Variants in UFD1 observed in about 807,000 individuals in gnomAD.
The protein encoded by UFD1 is ubiquitin recognition factor in ER-associated degradation protein 1.
In UFD1, 13 loss-of-function variants were observed where a neutral mutation model predicts 45.9. The observed-to-expected ratio is 0.28, with a 90% CI of 0.18 to 0.45. The LOEUF (loss-of-function observed/expected upper bound fraction) is 0.45, where lower values mean the gene tolerates loss of function less well. Ranked by LOEUF, UFD1 falls within the 20% of genes least tolerant of loss-of-function variation. The probability of loss-of-function intolerance (pLI) is 1.00; values close to 1 mark genes in which losing one functional copy is unlikely to be tolerated. For missense variants in UFD1, 218 were observed against 389.2 expected (o/e 0.56, Z 3.70); for synonymous variants, 128 against 139.2 (o/e 0.92, Z 0.56).
intron 6 of UFD1, 75 bp downstream of exon 6, chr22:19,465,124 AAAG>A: frequency 7.3e-7 from 1 of 1,376,984 alleles, no homozygotes; most frequent in Non-Finnish European, 1.0e-6. Context: ...CGCTGCTTAA[AAAG>A]AAGCCCCATT....
intron 6 of UFD1, 71 bp from the exon 7 acceptor site, chr22:19,458,210 T>C (rs1403663644): frequency 1.0e-5 from 16 of 1,548,892 alleles, no homozygotes; most frequent in Non-Finnish European, 1.4e-5. Context: ...TCCATGTTAC[T>C]GTGGCTCTAC....
rs371868829 is a variant in UFD1, at chr22:19,456,842, A to C, written c.630+11T>G. The stretch of plus-strand genomic sequence containing the variant: ...AGCAGGACAGCAAAGGACACTGAGG[A>C]TAACACTTACTGTCGACTCCTCATG... On this transcript the variant is annotated intron_variant, in intron 8 of 11. Coordinates refer to ENST00000263202, the MANE Select transcript of UFD1 (RefSeq NM_005659.7). 4 of 1,614,036 alleles carry C rather than the reference A, an allele frequency of 2.5e-6. No individual in the cohort carries two copies. Among genetic ancestry groups the C allele is most frequent in the Non-Finnish European group, 3.4e-6 (4 of 1,180,000 alleles).
intron 3 of UFD1, among the ~76,000 whole-genome samples, chr22:19,473,919 C>A (rs1426713274): frequency 6.6e-6 from 1 of 152,164 alleles, no homozygotes; most frequent in Non-Finnish European, 1.5e-5. Flanking sequence ...TCCTCCTGGC[C>A]AACCCCAGTC....
At chr22:19,457,484 C>T (rs553936285) in intron 7 of UFD1, among the ~76,000 whole-genome samples, 1 of 152,284 alleles carries the variant, frequency 6.6e-6, no homozygotes, top group South Asian at 2.1e-4. Flanking sequence ...CATTCCTACT[C>T]AGAAGGTTCA....
At chr22:19,476,292 G>T (rs935850625) in intron 1 of UFD1, among the ~76,000 whole-genome samples, 9 of 152,126 alleles carry the variant, frequency 5.9e-5, no homozygotes, top group Non-Finnish European at 1.2e-4. Context: ...GTACCCAGTG[G>T]TTGCACCCCT....
intron 7 of UFD1, among the ~76,000 whole-genome samples, chr22:19,457,579 G>A (rs1569327133): frequency 6.6e-6 from 1 of 152,146 alleles, no homozygotes; most frequent in Non-Finnish European, 1.5e-5. Flanking sequence ...TTGGGAGGCC[G>A]AGGCGGGTGG....
chr22:19,450,847 T>C, intron 11 of UFD1, 103 bp from the exon 12 acceptor site: 1 of 1,584,512 alleles, frequency 6.3e-7, no homozygotes. Context: ...TCATAAGAAA[T>C]ATCTCAGGCT....
intron 4 of UFD1, chr22:19,471,131 G>C (rs1044588562): frequency 4.3e-6 from 2 of 465,406 alleles, no homozygotes; most frequent in Non-Finnish European, 8.6e-6. Flanking sequence ...ACAGCCTTGA[G>C]GGCAGGCTCT....
chr22:19,472,492 T>C (rs556508178), intron 3 of UFD1, among the ~76,000 whole-genome samples: 5 of 152,310 alleles, frequency 3.3e-5, no homozygotes, highest in African/African-American at 1.2e-4. Context: ...CTCTCTCTGA[T>C]GGACCTTGAG....
chr22:19,457,903 AG>A (rs2089735424), intron 7 of UFD1, among the ~76,000 whole-genome samples, 167 bp downstream of exon 7: 1 of 152,052 alleles, frequency 6.6e-6, no homozygotes, highest in African/African-American at 2.4e-5. Flanking sequence ...GCCCTGAGAT[AG>A]ATCACAAGGT....
chr22:19,454,732 C>A lies in UFD1; in HGVS notation c.849+17G>T. ...CTCCTCATTACCAACCAAGGAAATA[C>A]AAGGAAATACACTCACCTCTTCAAC... On this transcript the variant is annotated intron_variant, in intron 11 of 11. Coordinates refer to ENST00000263202, the MANE Select transcript of UFD1 (RefSeq NM_005659.7). 2 of 1,613,826 alleles carry A rather than the reference C, an allele frequency of 1.2e-6. No individual in the cohort carries two copies. Among genetic ancestry groups the A allele is most frequent in the South Asian group, 2.2e-5 (2 of 91,076 alleles).
chr22:19,470,715 T>C (rs981454762), intron 4 of UFD1: 2 of 454,750 alleles, frequency 4.4e-6, no homozygotes, highest in African/African-American at 4.0e-5. Flanking sequence ...GTGCTGGGAT[T>C]AGAGGCGTGA....
intron 1 of UFD1, 81 bp downstream of exon 1, chr22:19,479,002 C>G: frequency 7.0e-7 from 1 of 1,430,000 alleles, no homozygotes; most frequent in South Asian, 1.2e-5. Context: ...CGCCGCCGTC[C>G]CGCCCCGCCC....
At chr22:19,466,093 T>C (rs1365657236) in intron 5 of UFD1, 1 of 152,256 alleles carries the variant, frequency 6.6e-6, no homozygotes, top group Non-Finnish European at 1.5e-5. Flanking sequence ...GGTGAGGCTA[T>C]CTAGGTTCAC....
intron 4 of UFD1, chr22:19,470,806 C>T (rs779286115): frequency 2.6e-5 from 12 of 469,340 alleles, no homozygotes; most frequent in African/African-American, 1.6e-4. Flanking sequence ...GAACGTCTGG[C>T]GGCCACCATG....
chr22:19,476,508 A>T (rs1044288146), intron 1 of UFD1, among the ~76,000 whole-genome samples: 2 of 151,944 alleles, frequency 1.3e-5, no homozygotes, highest in African/African-American at 4.8e-5. Context: ...TAAACTGTAG[A>T]CTAAGATGAG....
chr22:19,469,775 G>C (rs1323730350), intron 4 of UFD1: 1 of 446,270 alleles, frequency 2.2e-6, no homozygotes, highest in Non-Finnish European at 4.5e-6. Flanking sequence ...CCAGGAGCTG[G>C]AAGGCCAGCT....
chr22:19,455,686 A>C lies in UFD1; in HGVS notation c.761T>G (p.Ile254Ser), dbSNP rs771068726. 1 of 1,613,672 alleles carries C rather than the reference A, an allele frequency of 6.2e-7. No homozygotes were observed. The highest frequency in any genetic ancestry group is 2.2e-5 in the East Asian group (1 of 44,870). Residue 254 changes from isoleucine to serine, a missense_variant, in exon 10 of 12, where the codon ATT becomes AGT. Physicochemically the swap from Ile to Ser is moderately radical, Grantham distance 142. Transcript: ENST00000263202. ...PSPSPIKPGD[I>S]KRGIPNYEFK... ...AGAGCCAGGACAGACCTACCTTTTAATATCTCCAGGCTTGATTGGGGAGGG... is the reference window on the plus strand; with the variant it reads ...AGAGCCAGGACAGACCTACCTTTTACTATCTCCAGGCTTGATTGGGGAGGG...
At chr22:19,462,092 C>G (rs1364566583) in intron 6 of UFD1, among the ~76,000 whole-genome samples, 1 of 152,122 alleles carries the variant, frequency 6.6e-6, no homozygotes, top group Non-Finnish European at 1.5e-5. Context: ...TTCTGCCTCC[C>G]GGACTCAAGT....
Sources: allele counts gnomAD v4.1 joint callset (sites outside exome capture counted in the v4.1 genomes callset), GRCh38; gene constraint gnomAD v4.1.1; transcripts MANE v1.5; gene names NCBI Gene and HGNC (gene_info 2026-07-23, HGNC 2026-07-21).